ABTB3: variants seen among roughly 807,000 people sequenced by gnomAD.
The protein encoded by ABTB3 is ankyrin repeat and BTB domain containing 3.
chr12:107,563,023 C>T, the ABTB3 span, among the ~76,000 whole-genome samples: 2 of 152,170 alleles, frequency 1.3e-5, no homozygotes, highest in African/African-American at 2.4e-5. Context: ...TTCCCAGACT[C>T]TGAAGTCTTT....
At chr12:107,655,853 A>C in the ABTB3 span, among the ~76,000 whole-genome samples, 1 of 152,334 alleles carries the variant, frequency 6.6e-6, no homozygotes, top group East Asian at 1.9e-4. Context: ...CTGGTTCATC[A>C]GATTGAATCT....
the ABTB3 span, among the ~76,000 whole-genome samples, chr12:107,617,986 C>G: frequency 2.0e-5 from 3 of 152,110 alleles, no homozygotes; most frequent in Non-Finnish European, 4.4e-5. Flanking sequence ...ATCATCTCCT[C>G]CATCCCCAAA....
chr12:107,526,373 C>T, the ABTB3 span, among the ~76,000 whole-genome samples: 2 of 152,090 alleles, frequency 1.3e-5, no homozygotes, highest in African/African-American at 4.8e-5. Context: ...GTTCGGTGGG[C>T]GGTCCAGTTC....
At chr12:107,439,094 T>C in the ABTB3 span, among the ~76,000 whole-genome samples, 1 of 152,206 alleles carries the variant, frequency 6.6e-6, no homozygotes, top group Non-Finnish European at 1.5e-5. Flanking sequence ...GTTTGTCTGT[T>C]GCTTGAACGT....
At chr12:107,648,380 C>CCACA in the ABTB3 span, among the ~76,000 whole-genome samples, 6,905 of 140,092 alleles carry the variant, frequency 0.049, 212 homozygotes, top group African/African-American at 0.059. Flanking sequence ...GACCCCATCT[C>CCACA]CACACACACA....
the ABTB3 span, chr12:107,520,614 C>T: frequency 8.7e-5 from 141 of 1,614,048 alleles, no homozygotes; most frequent in Non-Finnish European, 1.1e-4. Context: ...TGGCCACGCG[C>T]GTAGGCAGCA....
chr12:107,333,500 G>T, the ABTB3 span, among the ~76,000 whole-genome samples: 1 of 152,274 alleles, frequency 6.6e-6, no homozygotes, highest in East Asian at 1.9e-4. Flanking sequence ...AAGCCGTGTT[G>T]ATCTCAGGCA....
the ABTB3 span, among the ~76,000 whole-genome samples, chr12:107,428,306 A>G: frequency 6.6e-6 from 1 of 152,312 alleles, no homozygotes; most frequent in Non-Finnish European, 1.5e-5. Context: ...CTCATGCACC[A>G]TAACATATGC....
At chr12:107,463,222 GGTAGTGATGATGGTGGTA>G in the ABTB3 span, among the ~76,000 whole-genome samples, 1 of 151,448 alleles carries the variant, frequency 6.6e-6, no homozygotes, top group East Asian at 2.0e-4. Context: ...TGGTGGTGGT[GGTAGTGATGATGGTGGTA>G]GTGATGGTGA....
At chr12:107,490,505 G>C in the ABTB3 span, among the ~76,000 whole-genome samples, 2 of 152,112 alleles carry the variant, frequency 1.3e-5, no homozygotes, top group Non-Finnish European at 2.9e-5. Flanking sequence ...GATAGTGGTG[G>C]GGAGAGAGGG....
At chr12:107,580,729 A>T in the ABTB3 span, 1 of 1,272,224 alleles carries the variant, frequency 7.9e-7, no homozygotes, top group Non-Finnish European at 1.1e-6. Context: ...TTGGGTCCAC[A>T]ATCAGGGAGC....
At chr12:107,522,365 A>G in the ABTB3 span, among the ~76,000 whole-genome samples, 1 of 152,076 alleles carries the variant, frequency 6.6e-6, no homozygotes, top group Non-Finnish European at 1.5e-5. Context: ...TTGTTTTTTA[A>G]TAATAGGTTT....
the ABTB3 span, among the ~76,000 whole-genome samples, chr12:107,437,547 C>A: frequency 1.3e-5 from 2 of 152,022 alleles, no homozygotes; most frequent in African/African-American, 4.8e-5. Context: ...CAGGTGTATG[C>A]CACCACATCT....
chr12:107,614,885 T>C, the ABTB3 span, among the ~76,000 whole-genome samples: 10 of 152,140 alleles, frequency 6.6e-5, no homozygotes, highest in Non-Finnish European at 1.2e-4. Context: ...TGAGAGGTGT[T>C]TGGAGCATCC....
chr12:107,484,268 A>C, the ABTB3 span, among the ~76,000 whole-genome samples: 1 of 152,224 alleles, frequency 6.6e-6, no homozygotes, highest in Non-Finnish European at 1.5e-5. Flanking sequence ...CTGCAGCTTC[A>C]AACGGGTGTC....
the ABTB3 span, among the ~76,000 whole-genome samples, chr12:107,632,493 A>G: frequency 3.9e-5 from 6 of 152,230 alleles, no homozygotes; most frequent in South Asian, 4.1e-4. Flanking sequence ...CCACGTGTCC[A>G]CTATGTGTCT....
the ABTB3 span, among the ~76,000 whole-genome samples, chr12:107,564,489 T>C: frequency 9.2e-5 from 14 of 152,198 alleles, no homozygotes; most frequent in Non-Finnish European, 1.8e-4. Context: ...AGGGCACGTA[T>C]CACCCCATTT....
At chr12:107,322,851 C>T in the ABTB3 span, among the ~76,000 whole-genome samples, 1 of 152,198 alleles carries the variant, frequency 6.6e-6, no homozygotes, top group South Asian at 2.1e-4. Context: ...GAGTTCCCTG[C>T]CTTCAGGCAT....
chr12:107,537,479 C>T, the ABTB3 span, among the ~76,000 whole-genome samples: 1 of 152,130 alleles, frequency 6.6e-6, no homozygotes, highest in Non-Finnish European at 1.5e-5. Flanking sequence ...ATCAAAATAT[C>T]ACTGTGTACC....
Sources: allele counts gnomAD v4.1 joint callset (sites outside exome capture counted in the v4.1 genomes callset), GRCh38; gene constraint gnomAD v4.1.1; transcripts MANE v1.5; gene names NCBI Gene and HGNC (gene_info 2026-07-23, HGNC 2026-07-21).